The following PPM1H variants were observed in gnomAD, a reference collection of about 807,000 sequenced individuals.
PPM1H encodes protein phosphatase 1H.
PPM1H carries 27 observed loss-of-function variants against 54.9 expected under a neutral mutation model. The observed-to-expected ratio is 0.49, with a 90% CI of 0.36 to 0.68. The LOEUF is 0.68. Ranked by LOEUF, PPM1H falls within the 30% of genes least tolerant of loss-of-function variation. PPM1H has a pLI of 0.00. For missense variants in PPM1H, 596 were observed against 667.8 expected, an observed-to-expected ratio of 0.89 and a Z score of 1.19; for synonymous variants, 305 against 270.8, an observed-to-expected ratio of 1.13 and a Z score of -1.24.
intron 4 of PPM1H, among the ~76,000 whole-genome samples, chr12:62,753,061 A>G (rs1353619656): frequency 6.6e-6 from 1 of 152,206 alleles, no homozygotes; most frequent in Non-Finnish European, 1.5e-5. Context: ...AGATTTGTGA[A>G]TAGTCATGTC....
intron 5 of PPM1H, among the ~76,000 whole-genome samples, chr12:62,729,779 C>A (rs1402370539): frequency 1.3e-5 from 2 of 152,176 alleles, no homozygotes; most frequent in African/African-American, 4.8e-5. Flanking sequence ...TGTGTAACTG[C>A]GACTTGCTCA....
intron 1 of PPM1H, among the ~76,000 whole-genome samples, chr12:62,865,542 T>A (rs189973875): frequency 1.1e-3 from 168 of 152,312 alleles, no homozygotes; most frequent in African/African-American, 3.7e-3. Context: ...GTCATTTTTT[T>A]AAAATCTCTT....
chr12:62,818,994 G>T (rs1253297631), intron 2 of PPM1H, among the ~76,000 whole-genome samples: 1 of 151,608 alleles, frequency 6.6e-6, no homozygotes, highest in East Asian at 1.9e-4. Flanking sequence ...CTAATTTTTT[G>T]TGTTTCAGTA....
intron 4 of PPM1H, among the ~76,000 whole-genome samples, chr12:62,747,904 G>T (rs563037004): frequency 6.6e-6 from 1 of 152,218 alleles, no homozygotes; most frequent in Admixed American, 6.5e-5. Context: ...GTGGGAAAGA[G>T]AAAGAGAAAA....
intron 9 of PPM1H, among the ~76,000 whole-genome samples, chr12:62,654,293 C>T (rs114154812): frequency 0.061 from 8,997 of 148,076 alleles, 353 homozygotes; most frequent in African/African-American, 0.079. Context: ...AGGAGATAGG[C>T]GAGTGGGCAC....
At chr12:62,750,980 A>T (rs977574225) in intron 4 of PPM1H, among the ~76,000 whole-genome samples, 1 of 152,244 alleles carries the variant, frequency 6.6e-6, no homozygotes, top group Non-Finnish European at 1.5e-5. Flanking sequence ...TCCCCAGCAC[A>T]AATGTATACA....
intron 4 of PPM1H, among the ~76,000 whole-genome samples, chr12:62,779,114 T>G (rs1403573043): frequency 6.6e-6 from 1 of 152,146 alleles, no homozygotes; most frequent in Non-Finnish European, 1.5e-5. Context: ...CTCTGCTCAC[T>G]GCAACTTCCA....
chr12:62,924,608 G>T (rs1300434653), intron 1 of PPM1H, among the ~76,000 whole-genome samples: 1 of 152,124 alleles, frequency 6.6e-6, no homozygotes, highest in African/African-American at 2.4e-5. Context: ...TAGCCAAATG[G>T]CCGGCACAGA....
At chr12:62,814,521 A>C (rs1267423501) in intron 2 of PPM1H, among the ~76,000 whole-genome samples, 1 of 152,186 alleles carries the variant, frequency 6.6e-6, no homozygotes, top group East Asian at 1.9e-4. Flanking sequence ...CCCTGCCAAA[A>C]AAATTGTTTT....
intron 1 of PPM1H, among the ~76,000 whole-genome samples, chr12:62,889,420 G>A (rs1375928576): frequency 6.6e-6 from 1 of 152,126 alleles, no homozygotes; most frequent in Non-Finnish European, 1.5e-5. Context: ...CTACTCACAA[G>A]GCTGAGGCGA....
intron 4 of PPM1H, among the ~76,000 whole-genome samples, chr12:62,778,059 A>G (rs2076621512): frequency 6.6e-6 from 1 of 152,230 alleles, no homozygotes; most frequent in South Asian, 2.1e-4. Flanking sequence ...TTTGACAGCT[A>G]AAGCTGAACT....
intron 2 of PPM1H, among the ~76,000 whole-genome samples, chr12:62,818,132 C>T (rs2076881683): frequency 6.6e-6 from 1 of 152,240 alleles, no homozygotes; most frequent in Non-Finnish European, 1.5e-5. Flanking sequence ...GGCCACAATA[C>T]CCTAAATATT....
intron 9 of PPM1H, among the ~76,000 whole-genome samples, chr12:62,650,001 G>A (rs1354868184): frequency 6.6e-6 from 1 of 152,190 alleles, no homozygotes; most frequent in East Asian, 1.9e-4. Flanking sequence ...GATATTGCTA[G>A]TGACCTTTCT....
At chr12:62,921,515 A>G (rs1871799172) in intron 1 of PPM1H, among the ~76,000 whole-genome samples, 1 of 152,212 alleles carries the variant, frequency 6.6e-6, no homozygotes, top group Admixed American at 6.5e-5. Flanking sequence ...CACACACTCA[A>G]GATGGCCACC....
In PPM1H at chr12:62,679,776, C is replaced by CA. The variant is rs2076008520; in HGVS notation, c.1245+9922_1245+9923insT. 2.0e-5 allele frequency among the ~76,000 whole-genome samples: 3 copies of CA among 152,318 alleles called. No individual in the cohort carries two copies. In the South Asian group the frequency reaches 6.2e-4, roughly 32 times the overall value. On this transcript the variant is annotated intron_variant, in intron 8 of 9. Coordinates refer to ENST00000228705, the MANE Select transcript of PPM1H (RefSeq NM_020700.2). The stretch of plus-strand genomic sequence containing the variant: ...CGGCAACAATCAGAACTCACAGGGT[C>CA]TGATCTGAGCGCAGGTCCCCAGTAC...
At chr12:62,876,227 A>G (rs557511069) in intron 1 of PPM1H, among the ~76,000 whole-genome samples, 1 of 152,328 alleles carries the variant, frequency 6.6e-6, no homozygotes, top group South Asian at 2.1e-4. Flanking sequence ...ATACACGGAG[A>G]GCAGAAATTT....
intron 4 of PPM1H, among the ~76,000 whole-genome samples, chr12:62,761,660 A>T (rs2076510256): frequency 6.6e-6 from 1 of 152,110 alleles, no homozygotes; most frequent in Non-Finnish European, 1.5e-5. Context: ...AAAAAAAGGG[A>T]TGGAGAAGGG....
At chr12:62,734,790 C>G (rs2076341935) in intron 5 of PPM1H, among the ~76,000 whole-genome samples, 1 of 152,156 alleles carries the variant, frequency 6.6e-6, no homozygotes, top group Admixed American at 6.5e-5. Flanking sequence ...GCTTGTAACC[C>G]CCAGCAATTT....
intron 2 of PPM1H, among the ~76,000 whole-genome samples, chr12:62,825,215 C>T (rs554813837): frequency 5.7e-4 from 86 of 152,046 alleles, no homozygotes; most frequent in African/African-American, 1.8e-3. Context: ...GTTAGAGAGG[C>T]GATTAAAAAG....
Sources: gnomAD v4.1 joint callset for allele counts (sites outside exome capture counted in the v4.1 genomes callset) on GRCh38, gnomAD v4.1.1 for gene constraint, MANE v1.5 for transcripts, NCBI Gene and HGNC (gene_info 2026-07-23, HGNC 2026-07-21) for gene names.